MACROD2: variants seen among roughly 807,000 people sequenced by gnomAD.
MACROD2 encodes mono-ADP ribosylhydrolase 2.
A neutral mutation model predicts 70.4 loss-of-function variants in MACROD2; 36 were observed. That is an observed-to-expected ratio of 0.51 (90% confidence interval 0.39 to 0.68). The LOEUF is 0.68. MACROD2 is among the 30% of genes least tolerant of loss of function. MACROD2 has a pLI of 0.00. For missense variants in MACROD2, 496 were observed against 538.4 expected (o/e 0.92, Z 0.78); for synonymous variants, 172 against 178.8 (o/e 0.96, Z 0.30).
At chr20:15,900,582 T>C (rs2065049268) in intron 10 of MACROD2, among the ~76,000 whole-genome samples, 1 of 152,004 alleles carries the variant, frequency 6.6e-6, no homozygotes, top group Non-Finnish European at 1.5e-5. Flanking sequence ...AGAATGTGAG[T>C]ATTAAGGCAT....
In MACROD2 at chr20:14,616,751, T is replaced by C. The variant is rs181807262; in HGVS notation, c.302-68092T>C. 5.3e-5 allele frequency among the ~76,000 whole-genome samples: 8 copies of C among 152,240 alleles called. No individual in the cohort carries two copies. In the East Asian group the frequency reaches 1.6e-3, roughly 30 times the overall value. On this transcript the variant is annotated intron_variant, in intron 4 of 17. Coordinates refer to ENST00000684519, the MANE Select transcript of MACROD2 (RefSeq NM_001351661.2). ...CACAAAAATGAGATGGATGAACTGA[T>C]CATCCCATAATTTTTCATTATGAAA... is the stretch of plus-strand genomic sequence containing the variant.
chr20:14,338,378 A>G (rs565285552), intron 3 of MACROD2, among the ~76,000 whole-genome samples: 1 of 152,270 alleles, frequency 6.6e-6, no homozygotes, highest in Admixed American at 6.5e-5. Flanking sequence ...CAATATATGT[A>G]TATATATACA....
intron 5 of MACROD2, among the ~76,000 whole-genome samples, chr20:14,742,300 A>G (rs1449878530): frequency 6.6e-6 from 1 of 152,146 alleles, no homozygotes; most frequent in Admixed American, 6.5e-5. Flanking sequence ...TGATTTCCTA[A>G]TCTGAGAAAC....
At chr20:15,569,480 T>C (rs1368793413) in intron 8 of MACROD2, among the ~76,000 whole-genome samples, 2 of 152,134 alleles carry the variant, frequency 1.3e-5, no homozygotes, top group Non-Finnish European at 2.9e-5. Context: ...GTACGATAGA[T>C]GTTTAACTTA....
At chr20:16,015,910 G>C (rs1393483238) in intron 15 of MACROD2, among the ~76,000 whole-genome samples, 5 of 152,050 alleles carry the variant, frequency 3.3e-5, no homozygotes, top group Non-Finnish European at 7.4e-5. Context: ...TGATTTATAA[G>C]AGTATTTTTA....
In MACROD2 at chr20:14,981,021, AGTGTGT is replaced by A. The variant is rs11468972; in HGVS notation, c.419-248893_419-248888del. 9.8e-3 allele frequency among the ~76,000 whole-genome samples: 1,404 copies of A among 143,738 alleles called. 29 individuals are homozygous for A. Among genetic ancestry groups the A allele is most frequent in the African/African-American group, 0.033 (1,312 of 39,416 alleles). 94.3% of individuals were successfully genotyped at this position (143,738 alleles called of 152,430 possible). On this transcript the variant is annotated intron_variant, in intron 5 of 17. Transcript: ENST00000684519. ...GCCAGAAGGATCCTTTACAAAAAGA[AGTGTGT>A]GTGTGTGTGTGTGTGTGTGTGTGTG...
chr20:14,442,543 T>C (rs1600241187), intron 3 of MACROD2, among the ~76,000 whole-genome samples: 2 of 152,146 alleles, frequency 1.3e-5, no homozygotes, highest in African/African-American at 4.8e-5. Context: ...TTCTTTCTCT[T>C]TCTCTTCTTC....
chr20:13,996,248 CGCTCCGT>C (rs1031571254), intron 1 of MACROD2: 7 of 205,492 alleles, frequency 3.4e-5, no homozygotes, highest in Non-Finnish European at 6.7e-5. Context: ...TGTGCCTCCG[CGCTCCGT>C]GCACCCTCAT....
chr20:15,082,726 A>G (rs1452800742), intron 5 of MACROD2, among the ~76,000 whole-genome samples: 1 of 152,114 alleles, frequency 6.6e-6, no homozygotes, highest in Non-Finnish European at 1.5e-5. Flanking sequence ...CCTCTTTGCT[A>G]GCATTTTCCC....
At chr20:15,009,872 T>G (rs1364568196) in intron 5 of MACROD2, among the ~76,000 whole-genome samples, 1 of 151,614 alleles carries the variant, frequency 6.6e-6, no homozygotes, top group Non-Finnish European at 1.5e-5. Flanking sequence ...AATTTCAACA[T>G]AGAAGCAAGT....
intron 5 of MACROD2, among the ~76,000 whole-genome samples, chr20:15,126,124 T>G (rs1219655707): frequency 6.7e-6 from 1 of 150,176 alleles, no homozygotes. Context: ...TTTTTTTTTT[T>G]TTTTTTTTGC....
chr20:15,457,163 T>C (rs1351189440), intron 7 of MACROD2, among the ~76,000 whole-genome samples: 3 of 151,926 alleles, frequency 2.0e-5, no homozygotes, highest in Admixed American at 6.6e-5. Flanking sequence ...ATTTACTGTA[T>C]ATATTCTGAA....
chr20:15,282,338 A>G (rs1411372877), intron 6 of MACROD2, among the ~76,000 whole-genome samples: 1 of 152,182 alleles, frequency 6.6e-6, no homozygotes, highest in African/African-American at 2.4e-5. Flanking sequence ...TCTCTTTTTT[A>G]TCGTATTGTC....
At chr20:15,102,088 C>T (rs1264870933) in intron 5 of MACROD2, among the ~76,000 whole-genome samples, 1 of 151,782 alleles carries the variant, frequency 6.6e-6, no homozygotes, top group Non-Finnish European at 1.5e-5. Context: ...AATGCATGGA[C>T]AGGTGTTAAT....
chr20:15,683,306 C>T (rs182410023), intron 8 of MACROD2, among the ~76,000 whole-genome samples: 1 of 152,276 alleles, frequency 6.6e-6, no homozygotes, highest in African/African-American at 2.4e-5. Flanking sequence ...CATTTAAGCT[C>T]CTTCTCTCCA....
intron 2 of MACROD2, among the ~76,000 whole-genome samples, chr20:14,015,194 A>G (rs905949680): frequency 1.3e-5 from 2 of 152,102 alleles, no homozygotes; most frequent in Non-Finnish European, 2.9e-5. Flanking sequence ...CATTTTTACT[A>G]TTTTTAAATG....
intron 4 of MACROD2, among the ~76,000 whole-genome samples, chr20:14,514,054 C>T (rs1207638688): frequency 1.3e-5 from 2 of 152,082 alleles, no homozygotes; most frequent in Non-Finnish European, 2.9e-5. Context: ...GCTTCTCTTT[C>T]TCACTGGACT....
chr20:14,621,627 A>G (rs1465890503), intron 4 of MACROD2: 1 of 152,104 alleles, frequency 6.6e-6, no homozygotes, highest in African/African-American at 2.4e-5. Flanking sequence ...AGCTCTTTCT[A>G]ATTTTCCCAC....
chr20:15,615,741 T>C (rs997775427), intron 8 of MACROD2, among the ~76,000 whole-genome samples: 22 of 152,058 alleles, frequency 1.4e-4, no homozygotes, highest in African/African-American at 5.3e-4. Context: ...AAACAGACAT[T>C]TATCCCTCCC....
Sources: allele counts gnomAD v4.1 joint callset (sites outside exome capture counted in the v4.1 genomes callset), GRCh38; gene constraint gnomAD v4.1.1; transcripts MANE v1.5; gene names NCBI Gene and HGNC (gene_info 2026-07-23, HGNC 2026-07-21).